The following CNTN5 variants were observed in gnomAD, a reference collection of about 807,000 sequenced individuals.
CNTN5 encodes contactin 5.
A neutral mutation model predicts 129.1 loss-of-function variants in CNTN5; 77 were observed. The observed-to-expected ratio is 0.60, with a 90% CI of 0.50 to 0.72. The LOEUF (loss-of-function observed/expected upper bound fraction) is 0.72, where lower values mean the gene tolerates loss of function less well. Ranked by LOEUF, CNTN5 falls within the 30% of genes least tolerant of loss-of-function variation. The pLI is 0.00. For missense variants in CNTN5, 1,478 were observed against 1,328.8 expected, an observed-to-expected ratio of 1.11 and a Z score of -1.75; for synonymous variants, 509 against 465.6, an observed-to-expected ratio of 1.09 and a Z score of -1.20.
At chr11:100,018,708 A>T (rs1370424315) in intron 9 of CNTN5, among the ~76,000 whole-genome samples, 1 of 151,982 alleles carries the variant, frequency 6.6e-6, no homozygotes, top group Admixed American at 6.6e-5. Flanking sequence ...TGGCTAAACG[A>T]TATGGTAGGA....
intron 1 of CNTN5, among the ~76,000 whole-genome samples, chr11:99,164,294 G>A (rs1054448712): frequency 7.1e-6 from 1 of 140,082 alleles, no homozygotes; most frequent in Non-Finnish European, 1.5e-5. Flanking sequence ...CTATACTCCA[G>A]CCTGGGCAAG....
intron 1 of CNTN5, among the ~76,000 whole-genome samples, chr11:99,178,630 T>A (rs1359188764): frequency 6.6e-6 from 1 of 152,140 alleles, no homozygotes; most frequent in East Asian, 1.9e-4. Context: ...ACAGATTTAC[T>A]TTACAGTAAA....
At chr11:99,528,499 G>A (rs2135460538) in intron 2 of CNTN5, among the ~76,000 whole-genome samples, 1 of 152,292 alleles carries the variant, frequency 6.6e-6, no homozygotes, top group East Asian at 1.9e-4. Flanking sequence ...TTTTTGACAA[G>A]ATCTATGGAA....
At chr11:99,061,348 T>A (rs1221559179) in intron 1 of CNTN5, among the ~76,000 whole-genome samples, 2 of 152,072 alleles carry the variant, frequency 1.3e-5, no homozygotes, top group Non-Finnish European at 2.9e-5. Context: ...GAGAGGGGAC[T>A]GGGATGGCAG....
intron 1 of CNTN5, among the ~76,000 whole-genome samples, chr11:99,071,124 A>T (rs965539672): frequency 2.6e-5 from 4 of 152,074 alleles, no homozygotes; most frequent in Non-Finnish European, 5.9e-5. Context: ...TATATTCATG[A>T]TCTCATTACC....
At chr11:99,316,146 T>C (rs1865330900) in intron 1 of CNTN5, among the ~76,000 whole-genome samples, 1 of 152,182 alleles carries the variant, frequency 6.6e-6, no homozygotes, top group Non-Finnish European at 1.5e-5. Flanking sequence ...CCACTAGATT[T>C]GCTCCAAGGC....
intron 1 of CNTN5, among the ~76,000 whole-genome samples, chr11:99,109,230 A>G (rs2135377112): frequency 6.6e-6 from 1 of 151,998 alleles, no homozygotes; most frequent in Admixed American, 6.6e-5. Context: ...CCAATATAAT[A>G]TATTTTATAC....
At chr11:99,174,262 G>T (rs1186115900) in intron 1 of CNTN5, among the ~76,000 whole-genome samples, 2 of 152,186 alleles carry the variant, frequency 1.3e-5, no homozygotes, top group Admixed American at 6.5e-5. Flanking sequence ...GCCTCCCAAA[G>T]TGCTGGGATT....
chr11:100,226,861 A>T (rs1230122601), intron 16 of CNTN5, among the ~76,000 whole-genome samples: 1 of 152,030 alleles, frequency 6.6e-6, no homozygotes, highest in Non-Finnish European at 1.5e-5. Context: ...AATTTGAAAT[A>T]GTTTTACTCT....
At chr11:99,897,077 A>G (rs11221810) in intron 6 of CNTN5, among the ~76,000 whole-genome samples, 19,127 of 152,166 alleles carry the variant, frequency 0.13, 1,566 homozygotes, top group Middle Eastern at 0.19. Context: ...ATGCGTAAAA[A>G]CTGTTCTTTT....
chr11:99,116,544 C>T (rs1022156315), intron 1 of CNTN5, among the ~76,000 whole-genome samples: 3 of 151,908 alleles, frequency 2.0e-5, no homozygotes, highest in Admixed American at 6.6e-5. Flanking sequence ...ATGCAATTGA[C>T]CAACAAAATA....
intron 4 of CNTN5, among the ~76,000 whole-genome samples, chr11:99,835,223 A>G (rs1030427153): frequency 1.1e-4 from 17 of 152,244 alleles, no homozygotes; most frequent in African/African-American, 3.1e-4. Flanking sequence ...CAAAAAGGGT[A>G]TGAAGAGATT....
At position 99,847,767 on chromosome 11, in the gene CNTN5, T is replaced by A. The variant is rs577043130; in HGVS notation, c.577+2505T>A. 2.8e-4 allele frequency among the ~76,000 whole-genome samples: 43 copies of A among 152,278 alleles called. No homozygotes were observed. The South Asian group carries it at 8.9e-3, about 32-fold the overall frequency. ...TGAAGATTTGATTAACCTACCAGTA[T>A]ACCTGGATGGGAGTTTGGGTGCTAT... On this transcript the variant is annotated intron_variant, in intron 6 of 24. Transcript: ENST00000524871.
At chr11:99,630,539 A>G (rs1264399440) in intron 3 of CNTN5, among the ~76,000 whole-genome samples, 1 of 151,468 alleles carries the variant, frequency 6.6e-6, no homozygotes, top group Non-Finnish European at 1.5e-5. Context: ...CCCCCGTTTC[A>G]CACAGTCCAG....
At chr11:99,569,417 G>A (rs11220488) in intron 3 of CNTN5, among the ~76,000 whole-genome samples, 9,881 of 152,154 alleles carry the variant, frequency 0.065, 378 homozygotes, top group Non-Finnish European at 0.073. Flanking sequence ...GGGTTCAAGC[G>A]ATTCTCCCGC....
At chr11:99,028,015 T>A (rs542887507) in intron 1 of CNTN5, among the ~76,000 whole-genome samples, 36 of 151,860 alleles carry the variant, frequency 2.4e-4, no homozygotes, top group African/African-American at 8.4e-4. Context: ...TGAAGCCCAA[T>A]GAATAGTCAT....
intron 9 of CNTN5, among the ~76,000 whole-genome samples, chr11:100,059,306 G>A (rs765663587): frequency 3.1e-4 from 47 of 151,954 alleles, no homozygotes; most frequent in Non-Finnish European, 4.3e-4. Context: ...CAGAAAATAC[G>A]GACAAACTTA....
intron 1 of CNTN5, among the ~76,000 whole-genome samples, chr11:99,251,475 T>C (rs1343745735): frequency 6.6e-6 from 1 of 151,796 alleles, no homozygotes; most frequent in African/African-American, 2.4e-5. Context: ...ATCTTCCATA[T>C]CTTTTTTTTT....
At chr11:99,406,274 T>C (rs546057245) in intron 2 of CNTN5, among the ~76,000 whole-genome samples, 30 of 152,282 alleles carry the variant, frequency 2.0e-4, no homozygotes, top group African/African-American at 7.0e-4. Context: ...CCAAGCCCAA[T>C]AATGCTGTGG....
Sources: gnomAD v4.1 joint callset for allele counts (sites outside exome capture counted in the v4.1 genomes callset) on GRCh38, gnomAD v4.1.1 for gene constraint, MANE v1.5 for transcripts, NCBI Gene and HGNC (gene_info 2026-07-23, HGNC 2026-07-21) for gene names.